The following NSMCE2 variants were observed in gnomAD, a reference collection of about 807,000 sequenced individuals.
NSMCE2 encodes the protein NSE2 SUMO ligase component of SMC5/6 complex.
In NSMCE2, 24 loss-of-function variants were observed where a neutral mutation model predicts 23.8. The observed-to-expected ratio is 1.01, with a 90% CI of 0.73 to 1.42. The LOEUF (loss-of-function observed/expected upper bound fraction) is 1.42. Ranked by LOEUF, NSMCE2 falls within the 40% of genes most tolerant of loss-of-function variation. NSMCE2 has a pLI of 0.00. For synonymous variants in NSMCE2, 92 were observed against 94.1 expected (o/e 0.98, Z 0.13); for missense variants, 284 against 296.5 (o/e 0.96, Z 0.31).
At chr8:125,319,522 G>C (rs1829340864) in intron 5 of NSMCE2, among the ~76,000 whole-genome samples, 1 of 151,940 alleles carries the variant, frequency 6.6e-6, no homozygotes, top group African/African-American at 2.4e-5. Flanking sequence ...ATGGAAGGTA[G>C]GTGTGTGTGT....
chr8:125,269,858 T>C (rs1827102431), intron 5 of NSMCE2, among the ~76,000 whole-genome samples: 1 of 152,214 alleles, frequency 6.6e-6, no homozygotes, highest in Non-Finnish European at 1.5e-5. Context: ...TGTAACAAAG[T>C]AAGCTAAACA....
intron 3 of NSMCE2, among the ~76,000 whole-genome samples, chr8:125,107,022 T>C (rs192140490): frequency 6.6e-6 from 1 of 151,942 alleles, no homozygotes; most frequent in Non-Finnish European, 1.5e-5. Context: ...AAAAAAACTT[T>C]CATTTTACCA....
intron 5 of NSMCE2, among the ~76,000 whole-genome samples, chr8:125,316,650 CCTT>C (rs1174029290): frequency 7.0e-6 from 1 of 142,526 alleles, no homozygotes; most frequent in Non-Finnish European, 1.5e-5. Context: ...TTCCTTCTTT[CCTT>C]CTTTCCTTCC....
intron 5 of NSMCE2, among the ~76,000 whole-genome samples, chr8:125,333,298 T>G (rs892286235): frequency 2.0e-5 from 3 of 151,762 alleles, no homozygotes; most frequent in Non-Finnish European, 4.4e-5. Context: ...GCCTCCCAAG[T>G]AGCTGGGACT....
chr8:125,216,654 T>G (rs1430120206), intron 5 of NSMCE2, among the ~76,000 whole-genome samples: 1 of 148,750 alleles, frequency 6.7e-6, no homozygotes, highest in Non-Finnish European at 1.5e-5. Context: ...AAAAAAATGG[T>G]CTATGGGTTT....
intron 3 of NSMCE2, among the ~76,000 whole-genome samples, chr8:125,136,098 TA>T (rs1820055462): frequency 6.6e-6 from 1 of 152,226 alleles, no homozygotes; most frequent in Non-Finnish European, 1.5e-5. Context: ...AAACCTTTTT[TA>T]AAACATTTTT....
rs566054239 is a variant in NSMCE2 at position 125,353,610 on chromosome 8, T to C, written c.419-3609T>C. 9.2e-5 allele frequency among the ~76,000 whole-genome samples: 14 copies of C among 152,236 alleles called. No individual in the cohort carries two copies. In the South Asian group the frequency reaches 1.7e-3, roughly 18 times the overall value. ...CTATTAAATATCGTTTTAGGACGGG[T>C]GCAGTGGCTCACGCCTGTAATCCCA... On this transcript the variant is annotated intron_variant, in intron 5 of 7. Transcript: ENST00000287437.
rs1316798643 is a variant in NSMCE2 at position 125,217,377 on chromosome 8, T to G, written c.418+35121T>G. Among the ~76,000 whole-genome samples the G allele has an allele frequency of 2.0e-5, 3 of 152,190 alleles. No individual in the cohort carries two copies. The East Asian group carries it at 5.8e-4, about 29-fold the overall frequency. ...TTTATTTATTTTTTATTTATTTATT[T>G]TGAGATGGAGTCTTGCTGTGTCACC... On this transcript the variant is annotated intron_variant, in intron 5 of 7. Coordinates refer to ENST00000287437, the MANE Select transcript of NSMCE2 (RefSeq NM_173685.4).
intron 5 of NSMCE2, among the ~76,000 whole-genome samples, chr8:125,252,166 G>C (rs1310102284): frequency 6.6e-6 from 1 of 152,154 alleles, no homozygotes; most frequent in Non-Finnish European, 1.5e-5. Flanking sequence ...TAAGAGACTA[G>C]TAAAGAGAAG....
intron 5 of NSMCE2, among the ~76,000 whole-genome samples, chr8:125,303,441 G>T (rs190742223): frequency 4.6e-5 from 7 of 152,272 alleles, no homozygotes; most frequent in Non-Finnish European, 1.0e-4. Flanking sequence ...TTTGTGATGA[G>T]TATTGAAGGA....
chr8:125,144,260 C>G (rs1006117150), intron 3 of NSMCE2, among the ~76,000 whole-genome samples: 5 of 152,156 alleles, frequency 3.3e-5, no homozygotes, highest in Non-Finnish European at 5.9e-5. Flanking sequence ...TAGGGAAGGT[C>G]CCTATTTAGA....
chr8:125,182,582 C>T (rs1276665079), intron 5 of NSMCE2: 2 of 406,302 alleles, frequency 4.9e-6, no homozygotes, highest in African/African-American at 4.2e-5. Context: ...ACAATGGTAT[C>T]GTTCAAGTTT....
chr8:125,150,282 G>A (rs1446947110), intron 3 of NSMCE2, among the ~76,000 whole-genome samples: 1 of 151,848 alleles, frequency 6.6e-6, no homozygotes, highest in Non-Finnish European at 1.5e-5. Context: ...GCATTCTGTT[G>A]CCCCACTTCT....
chr8:125,313,159 GA>G (rs1829037411), intron 5 of NSMCE2, among the ~76,000 whole-genome samples: 1 of 132,534 alleles, frequency 7.5e-6, no homozygotes, highest in Admixed American at 8.2e-5. Flanking sequence ...AGGAAGGAAG[GA>G]AAAAAAGGAA....
At chr8:125,228,382 A>G (rs528741152) in intron 5 of NSMCE2, among the ~76,000 whole-genome samples, 12 of 152,352 alleles carry the variant, frequency 7.9e-5, no homozygotes, top group Non-Finnish European at 1.2e-4. Flanking sequence ...GAAGCTTACA[A>G]TTCAGTGATG....
chr8:125,102,320 C>T lies in NSMCE2; in HGVS notation c.-11C>T, dbSNP rs780609790. On this transcript the variant is annotated 5_prime_UTR_variant, in exon 3 of 8. Transcript: ENST00000287437. The stretch of plus-strand genomic sequence containing the variant: ...TTCATTGTGTTTGAAAACTTAGGTA[C>T]TAATTTCAAGATGCCAGGACGTTCC... The T allele has an allele frequency of 3.1e-6, 5 of 1,608,372 alleles. No individual in the cohort carries two copies. Among genetic ancestry groups the T allele is most frequent in the Middle Eastern group, 1.7e-4 (1 of 6,046 alleles).
chr8:125,136,091 C>T (rs1048635967), intron 3 of NSMCE2, among the ~76,000 whole-genome samples: 3 of 152,172 alleles, frequency 2.0e-5, no homozygotes, highest in African/African-American at 7.2e-5. Context: ...ATCTTATAAA[C>T]CTTTTTTAAA....
intron 5 of NSMCE2, among the ~76,000 whole-genome samples, chr8:125,288,914 C>T (rs986371936): frequency 6.6e-5 from 10 of 152,304 alleles, no homozygotes; most frequent in Admixed American, 3.9e-4. Flanking sequence ...CCCACCTCAG[C>T]TGCCCAGGTA....
chr8:125,203,257 A>G (rs1475250316), intron 5 of NSMCE2, among the ~76,000 whole-genome samples: 1 of 151,690 alleles, frequency 6.6e-6, no homozygotes, highest in African/African-American at 2.4e-5. Context: ...GTCTGTATGT[A>G]TATATATAAT....
Sources: gnomAD v4.1 joint callset for allele counts (sites outside exome capture counted in the v4.1 genomes callset) on GRCh38, gnomAD v4.1.1 for gene constraint, MANE v1.5 for transcripts, NCBI Gene and HGNC (gene_info 2026-07-23, HGNC 2026-07-21) for gene names.